THOP1: variants seen among roughly 807,000 people sequenced by gnomAD.
The protein encoded by THOP1 is thimet oligopeptidase 1.
Under a neutral mutation model 71.8 loss-of-function variants are expected in THOP1, and 49 were observed. That is an observed-to-expected ratio of 0.68 (90% CI 0.54 to 0.87). The LOEUF (loss-of-function observed/expected upper bound fraction) is 0.87, where lower values mean the gene tolerates loss of function less well. Among genes scored for constraint, THOP1 ranks in the 40% least tolerant of loss-of-function variants. The pLI, the probability that THOP1 is intolerant of heterozygous loss-of-function variation, is 0.00. For synonymous variants in THOP1, 426 were observed against 421.5 expected (o/e 1.01, Z -0.13); for missense variants, 843 against 975.6 (o/e 0.86, Z 1.81).
At chr19:2,798,018 T>A (rs1195888454) in intron 4 of THOP1, among the ~76,000 whole-genome samples, 3 of 152,072 alleles carry the variant, frequency 2.0e-5, no homozygotes, top group Non-Finnish European at 1.5e-5. Flanking sequence ...TTATTTTTAT[T>A]TTTATTTATG....
Position 2,799,760 on chromosome 19 carries a change from G to T in THOP1, c.558G>T (p.Thr186=). 6.2e-7 allele frequency: 1 copy of T among 1,613,854 alleles called. No homozygotes were observed. Residue 186 remains threonine (T), a synonymous_variant, in exon 5 of 13, where the codon ACG becomes ACT. Coordinates refer to ENST00000307741, the MANE Select transcript of THOP1 (RefSeq NM_003249.5). ...TCAACAAGAACCTGAACGAGGACAC[G>T]ACCTTCCTGCCCTTCACGCTCCAGG... ...IDFNKNLNED[T]TFLPFTLQEL...
intron 5 of THOP1, among the ~76,000 whole-genome samples, chr19:2,803,531 C>T (rs370901687): frequency 7.2e-5 from 11 of 152,222 alleles, no homozygotes; most frequent in Admixed American, 5.2e-4. Context: ...TCCAGTCCAG[C>T]GCTGCTGGGC....
intron 12 of THOP1, chr19:2,812,380 G>A (rs531405274): frequency 3.1e-5 from 46 of 1,506,920 alleles, no homozygotes; most frequent in African/African-American, 1.5e-4. Flanking sequence ...CAGGTACCTC[G>A]GAGCCACCAA....
At chr19:2,808,736 C>T (rs1254502704) in intron 9 of THOP1, among the ~76,000 whole-genome samples, 1 of 152,230 alleles carries the variant, frequency 6.6e-6, no homozygotes, top group Non-Finnish European at 1.5e-5. Flanking sequence ...CGAGGTCCCT[C>T]CTTGGCTTGT....
chr19:2,813,191 TG>T lies in THOP1; in HGVS notation c.1988del (p.Gly663AlafsTer11), dbSNP rs1355239706. The T allele has an allele frequency of 1.2e-6, 2 of 1,612,562 alleles. No individual in the cohort carries two copies. On this transcript the variant is annotated frameshift_variant, in exon 13 of 13. Transcript: ENST00000307741. LOFTEE classifies it high-confidence loss of function. ...EDASAMLRRF[L>X]GRDPKQDAFL... ...GCCAGCGCCATGCTGAGGCGCTTCCTGGGCCGTGACCCCAAGCAGGACGCCT... is the reference window on the plus strand; with the variant it reads ...GCCAGCGCCATGCTGAGGCGCTTCCTGGCCGTGACCCCAAGCAGGACGCCT...
intron 8 of THOP1, 38 bp from the exon 9 acceptor site, chr19:2,808,205 C>G (rs1916360808): frequency 1.3e-6 from 2 of 1,539,582 alleles, no homozygotes; most frequent in Non-Finnish European, 1.8e-6. Flanking sequence ...TGCGGTGTCT[C>G]TAGTCCCTGC....
At chr19:2,807,318 C>A in intron 7 of THOP1, 124 bp from the exon 8 acceptor site, 1 of 1,410,136 alleles carries the variant, frequency 7.1e-7, no homozygotes, top group Non-Finnish European at 9.3e-7. Context: ...CGAGGGGTTG[C>A]CGGGAACTGC....
At position 2,805,212 on chromosome 19, in the gene THOP1, G is replaced by A; in HGVS notation, c.750+36G>A. Reference sequence around the variant, plus strand: ...ACGGCCAGGGGGCCCCAGAACAGTGGGTCTGGAGCTTGTGGGGCCCGTCTG... The same window carrying A: ...ACGGCCAGGGGGCCCCAGAACAGTGAGTCTGGAGCTTGTGGGGCCCGTCTG... On this transcript the variant is annotated intron_variant, in intron 6 of 12. Coordinates refer to ENST00000307741, the MANE Select transcript of THOP1 (RefSeq NM_003249.5). The surrounding 1 kb of genome is among the most constrained non-coding windows in gnomAD (Gnocchi z 6.6). The A allele has an allele frequency of 6.3e-7, 1 of 1,589,896 alleles. No individual in the cohort carries two copies. The highest frequency in any genetic ancestry group is 8.6e-7 in the Non-Finnish European group (1 of 1,169,044).
rs1916096862 is a variant in THOP1 at position 2,799,603 on chromosome 19, T to C, written c.487-86T>C. 2.7e-6 allele frequency: 3 copies of C among 1,098,116 alleles called. No individual in the cohort carries two copies. In the Admixed American group the frequency reaches 5.5e-5, roughly 20 times the overall value. 68.0% of individuals were successfully genotyped at this position (1,098,116 alleles called of 1,614,324 possible). ...GGTTCTTGGGGAAATCCCTCAGCCC[T>C]CGGCGAGAGGGTTCCCAGGCGTTGC... On this transcript the variant is annotated intron_variant, in intron 4 of 12. Coordinates refer to ENST00000307741, the MANE Select transcript of THOP1 (RefSeq NM_003249.5).
chr19:2,808,365 C>T lies in THOP1; in HGVS notation c.1376C>T (p.Ala459Val), dbSNP rs1215850303. The change falls in exon 9 of 13, where the codon GCG (alanine) becomes GTG (valine). Residue 459 changes from alanine (A) to valine (V), a missense_variant. Ala to Val is a moderately conservative substitution (Grantham distance 64). Coordinates refer to ENST00000307741, the MANE Select transcript of THOP1 (RefSeq NM_003249.5). ...VANFTKPTAD[A>V]PSLLQHDEVE... ...AACTTCACCAAGCCCACAGCCGACG[C>T]GCCCTCGCTGCTGCAGCATGACGAG... 6.2e-6 allele frequency: 10 copies of T among 1,610,582 alleles called. No individual in the cohort carries two copies. Among genetic ancestry groups the T allele is most frequent in the East Asian group, 2.2e-5 (1 of 44,836 alleles).
intron 1 of THOP1, among the ~76,000 whole-genome samples, chr19:2,787,590 C>T (rs1464275873): frequency 6.6e-6 from 1 of 152,204 alleles, no homozygotes; most frequent in Non-Finnish European, 1.5e-5. Flanking sequence ...CCTAAATACT[C>T]TGTAAACTGA....
In THOP1 at chr19:2,807,320, G is replaced by A. The variant is rs1028183333; in HGVS notation, c.887-122G>A. On this transcript the variant is annotated intron_variant, in intron 7 of 12. Coordinates refer to ENST00000307741, the MANE Select transcript of THOP1 (RefSeq NM_003249.5). ...ATGCTCGGCCCCTCGAGGGGTTGCC[G>A]GGAACTGCGGGTCCTCCCTTCCAAA... 32 of 1,413,834 alleles carry A rather than the reference G, an allele frequency of 2.3e-5. No homozygotes were observed. The African/African-American group carries it at 3.2e-4, about 14-fold the overall frequency. The allele number at this position is 1,413,834 out of a possible 1,614,324, so 87.6% of individuals were successfully genotyped here. A position where few individuals can be genotyped will look rare whatever the true frequency, so the allele number is the denominator to read the frequency against.
chr19:2,795,174 G>A (rs1443324173), intron 3 of THOP1, among the ~76,000 whole-genome samples: 2 of 151,974 alleles, frequency 1.3e-5, no homozygotes, highest in African/African-American at 2.4e-5. Context: ...TGGTCAGGCT[G>A]TTCTCAAACT....
chr19:2,800,845 C>T (rs977629948), intron 5 of THOP1, among the ~76,000 whole-genome samples: 2 of 151,882 alleles, frequency 1.3e-5, no homozygotes, highest in African/African-American at 4.8e-5. Context: ...CACGCCATCC[C>T]GCGGCCACCC....
intron 4 of THOP1, among the ~76,000 whole-genome samples, chr19:2,799,267 G>A (rs573257532): frequency 1.3e-5 from 2 of 152,238 alleles, no homozygotes; most frequent in Non-Finnish European, 2.9e-5. Context: ...TGAGGCTGCA[G>A]TGAGTCGAGA....
chr19:2,812,926 G>A (rs973921507), intron 12 of THOP1, among the ~76,000 whole-genome samples, 189 bp from the exon 13 acceptor site: 16 of 152,232 alleles, frequency 1.1e-4, no homozygotes, highest in South Asian at 4.1e-4. Flanking sequence ...GCACACCCCC[G>A]CTCTGAGATT....
intron 1 of THOP1, among the ~76,000 whole-genome samples, chr19:2,787,775 G>T (rs978182804): frequency 2.0e-5 from 3 of 152,180 alleles, no homozygotes; most frequent in Admixed American, 1.3e-4. Context: ...TGTCACAGTT[G>T]GGGGGCGCTC....
chr19:2,805,043 C>T lies in THOP1; in HGVS notation c.617C>T (p.Ser206Phe). The T allele has an allele frequency of 1.2e-6, 2 of 1,612,680 alleles. No individual in the cohort carries two copies. The highest frequency in any genetic ancestry group is 1.7e-6 in the Non-Finnish European group (2 of 1,179,748). The change falls in exon 6 of 13, where the codon TCC (serine) becomes TTC (phenylalanine). Residue 206 changes from serine (S) to phenylalanine (F), a missense_variant. Ser to Phe is a radical substitution (Grantham distance 155). Coordinates refer to ENST00000307741, the MANE Select transcript of THOP1 (RefSeq NM_003249.5). This position sits in a 1 kb window ranked among gnomAD's most constrained non-coding sequence, Gnocchi z 6.6. ...LGGLPEDFLN[S>F]LEKMEDGKLK... ...GGGCTCCCCGAGGACTTTCTGAACT[C>T]CCTGGAGAAGATGGAGGACGGCAAG... is the stretch of plus-strand genomic sequence containing the variant.
intron 5 of THOP1, among the ~76,000 whole-genome samples, chr19:2,802,999 G>A (rs1371260479): frequency 1.3e-5 from 2 of 151,292 alleles, no homozygotes; most frequent in Non-Finnish European, 2.9e-5. Context: ...ACATGGTACC[G>A]CAGGCTCGGC....
Sources: gnomAD v4.1 joint callset for allele counts (sites outside exome capture counted in the v4.1 genomes callset) on GRCh38, gnomAD v4.1.1 for gene constraint, Gnocchi (gnomAD v3.1) non-coding constraint, MANE v1.5 for transcripts, NCBI Gene and HGNC (gene_info 2026-07-23, HGNC 2026-07-21) for gene names.